The following DOCK9 variants were observed in gnomAD, a reference collection of about 807,000 sequenced individuals.
DOCK9 encodes dedicator of cytokinesis 9.
A neutral mutation model predicts 263.3 loss-of-function variants in DOCK9; 89 were observed. That is an observed-to-expected ratio of 0.34 (90% CI 0.28 to 0.40). The LOEUF (loss-of-function observed/expected upper bound fraction) is 0.40. Ranked by LOEUF, DOCK9 falls within the 10% of genes least tolerant of loss-of-function variation. The pLI is 1.00. For missense variants in DOCK9, 2,140 were observed against 2,603.4 expected (o/e 0.82, Z 3.87); for synonymous variants, 976 against 973.1 (o/e 1.00, Z -0.06).
chr13:98,798,235 G>A (rs1365730251), intron 50 of DOCK9, among the ~76,000 whole-genome samples: 1 of 152,232 alleles, frequency 6.6e-6, no homozygotes, highest in Non-Finnish European at 1.5e-5. Flanking sequence ...ACGTGACTAT[G>A]TGGTCACTGC....
intron 2 of DOCK9, among the ~76,000 whole-genome samples, chr13:98,941,477 A>G (rs2055835435): frequency 6.6e-6 from 1 of 152,260 alleles, no homozygotes; most frequent in African/African-American, 2.4e-5. Context: ...TAAATGGAAG[A>G]GCACACGATT....
intron 15 of DOCK9, among the ~76,000 whole-genome samples, chr13:98,894,751 GA>G (rs1318614481): frequency 6.6e-6 from 1 of 151,564 alleles, no homozygotes; most frequent in African/African-American, 2.4e-5. Flanking sequence ...CAATAGAGAA[GA>G]TTTTTTTAAA....
chr13:98,970,371 T>C (rs572689619), intron 1 of DOCK9, among the ~76,000 whole-genome samples: 38 of 152,264 alleles, frequency 2.5e-4, no homozygotes, highest in African/African-American at 8.2e-4. Flanking sequence ...CAGAACGTGG[T>C]AGTGGAACAG....
chr13:98,885,043 G>A lies in DOCK9; in HGVS notation c.2310C>T (p.Ser770=). Residue 770 remains serine, a synonymous_variant, in exon 21 of 53, where the codon AGC becomes AGT. Coordinates refer to ENST00000682017, the MANE Select transcript of DOCK9 (RefSeq NM_001366683.2). Reference sequence around the variant, plus strand: ...TCGCCGAGACCGGGATGTGCTGCTCGCTTGTCACCACCCTTCCGTCTTTCA... The same window carrying A: ...TCGCCGAGACCGGGATGTGCTGCTCACTTGTCACCACCCTTCCGTCTTTCA... The part of the protein sequence containing the change: ...PLLKDGRVVT[S]EQHIPVSANL... 1.2e-6 allele frequency: 2 copies of A among 1,613,590 alleles called. No homozygotes were observed. Among genetic ancestry groups the A allele is most frequent in the Non-Finnish European group, 1.7e-6 (2 of 1,179,808 alleles).
intron 7 of DOCK9, among the ~76,000 whole-genome samples, chr13:98,917,900 C>A (rs1051637648): frequency 1.9e-4 from 29 of 152,262 alleles, no homozygotes; most frequent in African/African-American, 7.0e-4. Flanking sequence ...GCAGGAGATG[C>A]CCCCTTTAAA....
chr13:99,046,860 ACAAAGTGTAGCTTTGGAT>A (rs1378210676), intron 1 of DOCK9, among the ~76,000 whole-genome samples: 1 of 152,230 alleles, frequency 6.6e-6, no homozygotes, highest in Non-Finnish European at 1.5e-5. Flanking sequence ...CGTTTAAGGT[ACAAAGTGTAGCTTTGGAT>A]AGGTTTTTAA....
At position 98,888,394 on chromosome 13, in the gene DOCK9, T is replaced by A. The variant is rs1178260612; in HGVS notation, c.1943A>T (p.Tyr648Phe). The change falls in exon 17 of 53, where the codon TAC (tyrosine) becomes TTC (phenylalanine). Residue 648 changes from tyrosine (Y) to phenylalanine (F), a missense_variant. Physicochemically the swap from Tyr to Phe is conservative, Grantham distance 22. This residue lies in a region of DOCK9 where 1,521 missense variants were observed against 1,741.7 expected (regional missense o/e 0.87). Transcript: ENST00000682017. ...YTNHLYVYPKYLKYDSQKSFA... is the reference protein window; with the variant it reads ...YTNHLYVYPKFLKYDSQKSFA... Reference sequence around the variant, plus strand: ...AGACTTCTGACTGTCGTATTTCAAGTACTTAGGATAAACGTAAAGGTGATT... The same window carrying A: ...AGACTTCTGACTGTCGTATTTCAAGAACTTAGGATAAACGTAAAGGTGATT... 1 of 1,613,844 alleles carries A rather than the reference T, an allele frequency of 6.2e-7. No homozygotes were observed. The highest frequency in any genetic ancestry group is 1.7e-5 in the Admixed American group (1 of 60,008).
chr13:98,867,891 TG>T, intron 29 of DOCK9, 36 bp downstream of exon 29: 1 of 1,553,136 alleles, frequency 6.4e-7, no homozygotes, highest in Non-Finnish European at 8.8e-7. Flanking sequence ...AAAGGCTACA[TG>T]GTGACTTCTG....
In DOCK9 at chr13:98,885,737, G is replaced by A. The variant is rs368366341; in HGVS notation, c.2231C>T (p.Thr744Met). 1.7e-5 allele frequency: 27 copies of A among 1,611,166 alleles called. No homozygotes were observed. The highest frequency in any genetic ancestry group is 5.1e-5 in the Admixed American group (3 of 59,158). ...VSCDNSSKGS[T>M]KKRDVVETQV... The stretch of plus-strand genomic sequence containing the variant: ...GGTTTCAACGACATCCCTCTTCTTC[G>A]TGCTTCCTTTACTTGAGTTGTCACA... The change falls in exon 20 of 53, where the codon ACG becomes ATG. Residue 744 changes from threonine to methionine, a missense_variant. Thr to Met is a moderately conservative substitution (Grantham distance 81, BLOSUM62 -1). Transcript: ENST00000682017.
rs2041907867 is a variant in DOCK9, at chr13:99,076,304, T to C, written c.129+9919A>G. ...TCTTCCAGATAAATGAGTTACTAAA[T>C]ATTTAACACAAGAGTTAGATCAGTG... On this transcript the variant is annotated intron_variant, in intron 1 of 32. Coordinates refer to the DOCK9 transcript ENST00000427887. Among the ~76,000 whole-genome samples the C allele has an allele frequency of 2.0e-5, 3 of 152,250 alleles. No homozygotes were observed. In the South Asian group the frequency reaches 6.2e-4, roughly 31 times the overall value.
intron 36 of DOCK9, among the ~76,000 whole-genome samples, chr13:98,849,443 T>A (rs957575828): frequency 7.0e-4 from 107 of 152,170 alleles, no homozygotes; most frequent in African/African-American, 1.6e-3. Context: ...TCTTTTTTTT[T>A]TTTTTATTAT....
Position 98,883,045 on chromosome 13 carries a change from A to C in DOCK9, c.2556T>G (p.Leu852=). ...TACTAAGAAAGCCATGTGATACCTT[A>C]AGGTACTTTACAAGTTCGTTTCCTA... is the stretch of plus-strand genomic sequence containing the variant. The part of the protein sequence containing the change: ...QALGNELVKY[L]KSLHAMEGHV... The change falls in exon 23 of 53, where the codon CTT becomes CTG. Residue 852 remains leucine, a synonymous_variant. Coordinates refer to ENST00000682017, the MANE Select transcript of DOCK9 (RefSeq NM_001366683.2). 1 of 1,613,242 alleles carries C rather than the reference A, an allele frequency of 6.2e-7. No individual in the cohort carries two copies. Among genetic ancestry groups the C allele is most frequent in the Non-Finnish European group, 8.5e-7 (1 of 1,179,606 alleles).
intron 1 of DOCK9, among the ~76,000 whole-genome samples, chr13:99,008,467 C>A (rs1461073371): frequency 6.6e-6 from 1 of 152,078 alleles, no homozygotes; most frequent in Non-Finnish European, 1.5e-5. Context: ...CTCCTGACCT[C>A]AGGTGATCTG....
chr13:98,926,469 G>C (rs1183688964), intron 3 of DOCK9, among the ~76,000 whole-genome samples: 1 of 152,086 alleles, frequency 6.6e-6, no homozygotes, highest in Non-Finnish European at 1.5e-5. Context: ...ATTTTCATCT[G>C]TGTGTGTGTA....
Position 99,084,834 on chromosome 13 carries a change from C to T in DOCK9, c.129+1389G>A, listed in dbSNP as rs370478665. On this transcript the variant is annotated intron_variant, in intron 1 of 32. Transcript: ENST00000427887. ...TGCCAAAGAAGTTGCAGGCTTTATC[C>T]TTAACATGCACTGGCAAAACTCAGG... is the stretch of plus-strand genomic sequence containing the variant. Among the ~76,000 whole-genome samples, 13 of 152,328 alleles carry T rather than the reference C, an allele frequency of 8.5e-5. No individual in the cohort carries two copies. In the East Asian group the frequency reaches 1.3e-3, roughly 16 times the overall value.
intron 1 of DOCK9, among the ~76,000 whole-genome samples, chr13:99,041,938 G>A (rs755123875): frequency 1.3e-5 from 2 of 152,238 alleles, no homozygotes; most frequent in Admixed American, 6.5e-5. Context: ...TCCCCAGAGA[G>A]AGAATGGCCC....
chr13:99,008,030 A>G (rs1024274630), intron 1 of DOCK9, among the ~76,000 whole-genome samples: 7 of 152,032 alleles, frequency 4.6e-5, no homozygotes, highest in African/African-American at 1.7e-4. Context: ...ATATGCATAG[A>G]TATTTATCAC....
chr13:98,886,607 A>G lies in DOCK9; in HGVS notation c.2061T>C (p.Pro687=), dbSNP rs574593571. The change falls in exon 19 of 53, where the codon CCT becomes CCC. Residue 687 remains proline, a synonymous_variant. Transcript: ENST00000682017. The part of the protein sequence containing the change: ...SQPLKCIYGR[P]GGPVFTRSAF... Reference sequence around the variant, plus strand: ...CGCTTCTTGTGAAAACTGGCCCACCAGGTCTGCCATAAATGCACTAAAATA... The same window carrying G: ...CGCTTCTTGTGAAAACTGGCCCACCGGGTCTGCCATAAATGCACTAAAATA... The G allele has an allele frequency of 1.2e-6, 2 of 1,613,972 alleles. No individual in the cohort carries two copies. The highest frequency in any genetic ancestry group is 2.7e-5 in the African/African-American group (2 of 75,080).
At chr13:98,897,449 T>G (rs1387168138) in intron 15 of DOCK9, 39 bp downstream of exon 15, 1 of 1,610,542 alleles carries the variant, frequency 6.2e-7, no homozygotes, top group Admixed American at 1.7e-5. Flanking sequence ...CTACACAGCT[T>G]CTATTTTTCA....
Sources: allele counts gnomAD v4.1 joint callset (sites outside exome capture counted in the v4.1 genomes callset), GRCh38; gene constraint gnomAD v4.1.1; regional missense constraint gnomAD v4.1.1; transcripts MANE v1.5; gene names NCBI Gene and HGNC (gene_info 2026-07-23, HGNC 2026-07-21).